Variants in HLA-F observed in about 807,000 individuals in gnomAD.
The protein encoded by HLA-F is HLA class I histocompatibility antigen, alpha chain F.
Under a neutral mutation model 49.5 loss-of-function variants are expected in HLA-F, and 46 were observed. That is an observed-to-expected ratio of 0.93 (90% CI 0.73 to 1.19). HLA-F has a LOEUF of 1.19. Ranked by LOEUF, HLA-F falls within the 50% of genes most tolerant of loss-of-function variation. The pLI is 0.00. For synonymous variants in HLA-F, 203 were observed against 233.5 expected (o/e 0.87, Z 1.19); for missense variants, 496 against 579.6 (o/e 0.86, Z 1.48).
intron 3 of HLA-F, chr6:29,736,614 G>A: frequency 3.0e-6 from 1 of 330,366 alleles, no homozygotes; most frequent in Non-Finnish European, 5.8e-6. Context: ...CAGCCTCCAG[G>A]AAACACCATT....
chr6:29,728,015 C>T (rs767360928), downstream of HLA-F: 3 of 518,936 alleles, frequency 5.8e-6, no homozygotes, highest in Non-Finnish European at 1.2e-5. Context: ...GAGCAATTTT[C>T]CCACCAGAGG....
At chr6:29,731,696 T>C (rs1485032280), downstream of HLA-F, among the ~76,000 whole-genome samples, 1 of 151,572 alleles carries the variant, frequency 6.6e-6, no homozygotes, top group Non-Finnish European at 1.5e-5. Flanking sequence ...AATAATGTTA[T>C]ACCAGCTATC....
Position 29,726,012 on chromosome 6 carries a change from T to C in HLA-F, c.1005T>C (p.Asp335=), listed in dbSNP as rs755067759. Residue 335 remains aspartate (D), a splice_region_variant and synonymous_variant, in exon 6 of 7, where the codon GAT becomes GAC. Transcript: ENST00000259951. ...TCACAGGACATTTTCTTCCCATAGA[T>C]AGAAACAGAGGGAGCTACTCTCAGG... ...AAVMWRKKSS[D]RNRGSYSQAA... 1.9e-6 allele frequency: 3 copies of C among 1,614,070 alleles called. No individual in the cohort carries two copies. In the South Asian group the frequency reaches 3.3e-5, roughly 18 times the overall value.
In HLA-F at chr6:29,725,317, A is replaced by G. The variant is rs777017473; in HGVS notation, c.886+11A>G. 3.1e-5 allele frequency: 50 copies of G among 1,613,240 alleles called. No individual in the cohort carries two copies. Among genetic ancestry groups the G allele is most frequent in the Non-Finnish European group, 4.1e-5 (48 of 1,179,816 alleles). On this transcript the variant is annotated intron_variant, in intron 4 of 6. Coordinates refer to ENST00000259951, the MANE Select transcript of HLA-F (RefSeq NM_001098479.2). ...TCATCCTGAGATGGGGTAAGGAGGG[A>G]GATGGGTAAAGAGGGGAACGAGGGG...
Position 29,724,549 on chromosome 6 carries a change from C to T in HLA-F, c.610+101C>T, listed in dbSNP as rs1775786846. 6.5e-6 allele frequency: 8 copies of T among 1,225,508 alleles called. No homozygotes were observed. The South Asian group carries it at 1.1e-4, about 17-fold the overall frequency. The allele number at this position is 1,225,508 out of a possible 1,614,324, so 75.9% of individuals were successfully genotyped here. A position where few individuals can be genotyped will look rare whatever the true frequency, so the allele number is the denominator to read the frequency against. On this transcript the variant is annotated intron_variant, in intron 3 of 6. Coordinates refer to ENST00000259951, the MANE Select transcript of HLA-F (RefSeq NM_001098479.2). The stretch of plus-strand genomic sequence containing the variant: ...GTGGACCCAATGCTAGGATATCGCC[C>T]TCCCTCTAGTCCTGAGTAGGAAGAA...
chr6:29,726,560 TG>T (rs756618837), intron 6 of HLA-F: 24 of 477,312 alleles, frequency 5.0e-5, no homozygotes, highest in Non-Finnish European at 6.2e-5. Flanking sequence ...TGCACGTAAA[TG>T]TGTGTGTGTG....
intron 4 of HLA-F, 30 bp downstream of exon 4, chr6:29,725,336 C>T (rs2076177): frequency 0.14 from 232,242 of 1,612,550 alleles, 19,689 homozygotes; most frequent in South Asian, 0.29. Context: ...AAGAGGGGAA[C>T]GAGGGGTCAT....
intron 6 of HLA-F, chr6:29,726,271 G>A: frequency 9.6e-7 from 1 of 1,039,286 alleles, no homozygotes; most frequent in South Asian, 1.3e-5. Flanking sequence ...GGGTGTTGGG[G>A]GGGAACAGAG....
At chr6:29,723,971 T>A in intron 2 of HLA-F, 44 bp downstream of exon 2, 1 of 1,569,310 alleles carries the variant, frequency 6.4e-7, no homozygotes, top group East Asian at 2.4e-5. Context: ...CCACCCCCCA[T>A]CCGCCACGGA....
downstream of HLA-F, chr6:29,727,398 G>C: frequency 4.3e-6 from 2 of 467,600 alleles, no homozygotes. Flanking sequence ...GTTGCCTTTG[G>C]TTATGTTTCT....
intron 5 of HLA-F, 37 bp downstream of exon 5, chr6:29,725,600 G>A (rs1352945740): frequency 3.2e-6 from 5 of 1,560,418 alleles, no homozygotes; most frequent in Non-Finnish European, 4.4e-6. Context: ...GAGTTTTCTT[G>A]TCCCACTGGG....
intron 3 of HLA-F, among the ~76,000 whole-genome samples, chr6:29,737,156 T>C (rs1351483254): frequency 7.9e-6 from 1 of 125,794 alleles, no homozygotes; most frequent in Admixed American, 9.7e-5. Flanking sequence ...AAAAAAGAAA[T>C]AACTAGTATT....
downstream of HLA-F, among the ~76,000 whole-genome samples, chr6:29,731,772 T>C (rs1472159966): frequency 6.6e-6 from 1 of 152,002 alleles, no homozygotes; most frequent in Non-Finnish European, 1.5e-5. Flanking sequence ...ATCACTGAAA[T>C]GTATGTTCTT....
chr6:29,725,304 G>C lies in HLA-F; in HGVS notation c.884G>C (p.Trp295Ser). 2 of 1,614,124 alleles carry C rather than the reference G, an allele frequency of 1.2e-6. No individual in the cohort carries two copies. The highest frequency in any genetic ancestry group is 1.7e-6 in the Non-Finnish European group (2 of 1,180,002). ...EGLPQPLILRWEQSPQPTIPI... is the reference protein window; with the variant it reads ...EGLPQPLILRSEQSPQPTIPI... ...CTGCCCCAGCCCCTCATCCTGAGAT[G>C]GGGTAAGGAGGGAGATGGGTAAAGA... Residue 295 changes from tryptophan to serine, a missense_variant and splice_region_variant, in exon 4 of 7, where the codon TGG becomes TCG. Coordinates refer to ENST00000259951, the MANE Select transcript of HLA-F (RefSeq NM_001098479.2).
At position 29,723,543 on chromosome 6, in the gene HLA-F, A is replaced by T. The variant is rs201065607; in HGVS notation, c.64+16A>T. ...ACTTGGGCGGGTGAGTGCGGGGTCC[A>T]GAGAGAAACGGCCTCTGTGGGGAGG... On this transcript the variant is annotated intron_variant, in intron 1 of 6. Transcript: ENST00000259951. 4.2e-5 allele frequency: 68 copies of T among 1,608,554 alleles called. No individual in the cohort carries two copies. The highest frequency in any genetic ancestry group is 8.5e-6 in the Non-Finnish European group (10 of 1,178,544).
Position 29,724,403 on chromosome 6 carries a change from C to T in HLA-F, c.565C>T (p.Leu189Phe). Residue 189 changes from leucine to phenylalanine, a missense_variant, in exon 3 of 7, where the codon CTC becomes TTC. Leu to Phe is a conservative substitution (Grantham distance 22). Transcript: ENST00000259951. ...CCTGGAGGGCGAGTGCCTGGAGTTG[C>T]TCCGCAGATACTTGGAGAATGGGAA... ...TYLEGECLELLRRYLENGKET... is the reference protein window; with the variant it reads ...TYLEGECLELFRRYLENGKET... 1 of 1,613,278 alleles carries T rather than the reference C, an allele frequency of 6.2e-7. No individual in the cohort carries two copies. Among genetic ancestry groups the T allele is most frequent in the East Asian group, 2.2e-5 (1 of 44,874 alleles).
chr6:29,732,229 A>AATGTGTTGAG (rs1404750902), downstream of HLA-F, among the ~76,000 whole-genome samples: 3 of 151,982 alleles, frequency 2.0e-5, no homozygotes, highest in Non-Finnish European at 2.9e-5. Context: ...TTGGCCTTCC[A>AATGTGTTGAG]ATGTGTTGAG....
intron 3 of HLA-F, 96 bp from the exon 4 acceptor site, chr6:29,724,935 C>G: frequency 1.4e-6 from 2 of 1,398,672 alleles, no homozygotes; most frequent in Non-Finnish European, 9.8e-7. Flanking sequence ...CCTTCCCCAC[C>G]CCAGGTGTCC....
intron 3 of HLA-F, chr6:29,736,527 C>G (rs1267928700): frequency 2.5e-6 from 1 of 397,586 alleles, no homozygotes; most frequent in East Asian, 7.9e-5. Flanking sequence ...GAAAGGTGGA[C>G]AAACCATAAG....
Sources: allele counts gnomAD v4.1 joint callset (sites outside exome capture counted in the v4.1 genomes callset), GRCh38; gene constraint gnomAD v4.1.1; transcripts MANE v1.5; gene names NCBI Gene and HGNC (gene_info 2026-07-23, HGNC 2026-07-21).